WWOX: variants seen among roughly 807,000 people sequenced by gnomAD.
WWOX encodes the protein WW domain-containing oxidoreductase.
WWOX carries 69 observed loss-of-function variants against 46.2 expected under a neutral mutation model. The ratio of observed to expected loss-of-function variants is 1.49; its 90% CI spans 1.23 to 1.82. The LOEUF (loss-of-function observed/expected upper bound fraction) is 1.82. Among genes scored for constraint, WWOX ranks in the 40% most tolerant of loss-of-function variants. WWOX has a pLI of 0.00. For synonymous variants in WWOX, 359 were observed against 202.6 expected, an observed-to-expected ratio of 1.77 and a Z score of -6.56; for missense variants, 919 against 542.6, an observed-to-expected ratio of 1.69 and a Z score of -6.89.
At chr16:78,806,000 A>G (rs867047017) in intron 8 of WWOX, among the ~76,000 whole-genome samples, 11 of 152,202 alleles carry the variant, frequency 7.2e-5, no homozygotes, top group Admixed American at 1.3e-4. Context: ...AAGACAAGAA[A>G]TCTTTCAAAG....
At chr16:79,103,182 G>A (rs949931124) in intron 8 of WWOX, among the ~76,000 whole-genome samples, 15 of 152,300 alleles carry the variant, frequency 9.8e-5, no homozygotes, top group Non-Finnish European at 1.9e-4. Context: ...CCTCTCCCTA[G>A]CCATTAGCCA....
chr16:78,423,484 G>A (rs1162510188), intron 6 of WWOX, among the ~76,000 whole-genome samples: 1 of 151,946 alleles, frequency 6.6e-6, no homozygotes, highest in Non-Finnish European at 1.5e-5. Context: ...GTTCTTATTG[G>A]TACAGTATGA....
intron 8 of WWOX, among the ~76,000 whole-genome samples, chr16:78,639,678 C>T (rs894334872): frequency 6.6e-6 from 1 of 152,028 alleles, no homozygotes. Context: ...ATTTTCCTGC[C>T]TCAGCCTCTG....
chr16:79,055,152 A>T (rs904426677), intron 8 of WWOX, among the ~76,000 whole-genome samples: 2 of 152,260 alleles, frequency 1.3e-5, no homozygotes, highest in African/African-American at 4.8e-5. Flanking sequence ...ATTCCTCCTC[A>T]GATATGCACC....
At chr16:78,985,301 G>A (rs1363282168) in intron 8 of WWOX, among the ~76,000 whole-genome samples, 1 of 152,186 alleles carries the variant, frequency 6.6e-6, no homozygotes, top group Non-Finnish European at 1.5e-5. Context: ...AATAGAGGAA[G>A]CAGTTCAGCC....
At chr16:79,129,450 A>T (rs2049830423) in intron 8 of WWOX, among the ~76,000 whole-genome samples, 1 of 150,304 alleles carries the variant, frequency 6.7e-6, no homozygotes, top group Admixed American at 6.7e-5. Context: ...AAAATGTGTA[A>T]AAAGTTTATT....
chr16:78,623,883 G>A (rs985761200), intron 8 of WWOX, among the ~76,000 whole-genome samples: 1 of 152,108 alleles, frequency 6.6e-6, no homozygotes, highest in Non-Finnish European at 1.5e-5. Context: ...GTCACATATT[G>A]TATAGAATAA....
intron 4 of WWOX, among the ~76,000 whole-genome samples, chr16:78,127,691 C>G (rs1022987157): frequency 2.0e-5 from 3 of 152,126 alleles, no homozygotes; most frequent in Admixed American, 6.5e-5. Context: ...CACTTGTTCA[C>G]CCAAGTTTGT....
chr16:78,452,989 C>T (rs555212068), intron 8 of WWOX, among the ~76,000 whole-genome samples: 1 of 151,332 alleles, frequency 6.6e-6, no homozygotes, highest in Admixed American at 6.6e-5. Context: ...CTAAGTGATC[C>T]TCCTCTCTCA....
chr16:78,630,007 T>C (rs932729126), intron 8 of WWOX, among the ~76,000 whole-genome samples: 1 of 152,190 alleles, frequency 6.6e-6, no homozygotes, highest in African/African-American at 2.4e-5. Flanking sequence ...CCTGCCTTCT[T>C]TTTTTCTCCT....
intron 8 of WWOX, among the ~76,000 whole-genome samples, chr16:79,179,973 G>T (rs969228952): frequency 1.6e-4 from 24 of 152,180 alleles, no homozygotes; most frequent in Middle Eastern, 3.2e-3. Context: ...TTAAGTCCAT[G>T]TTACTGGATT....
intron 8 of WWOX, among the ~76,000 whole-genome samples, chr16:79,017,724 C>G (rs1179059839): frequency 2.6e-5 from 4 of 151,040 alleles, no homozygotes; most frequent in Non-Finnish European, 5.9e-5. Flanking sequence ...TTTCATAAAA[C>G]CAGTCTAAAA....
intron 8 of WWOX, among the ~76,000 whole-genome samples, chr16:78,951,217 A>C (rs367656697): frequency 6.6e-6 from 1 of 152,140 alleles, no homozygotes; most frequent in Non-Finnish European, 1.5e-5. Context: ...TCATAATTCT[A>C]TTTCTCTGCA....
At chr16:79,190,938 G>T (rs1362780721) in intron 8 of WWOX, among the ~76,000 whole-genome samples, 1 of 152,168 alleles carries the variant, frequency 6.6e-6, no homozygotes, top group Admixed American at 6.5e-5. Flanking sequence ...TGTGAATTGT[G>T]GCTAAATCTC....
chr16:78,180,206 C>T (rs2035484146), intron 5 of WWOX, among the ~76,000 whole-genome samples: 1 of 152,188 alleles, frequency 6.6e-6, no homozygotes. Context: ...TTTGGAAAAT[C>T]TCTAACTTGC....
chr16:78,806,659 A>T (rs920473118), intron 8 of WWOX, among the ~76,000 whole-genome samples: 1 of 152,124 alleles, frequency 6.6e-6, no homozygotes, highest in African/African-American at 2.4e-5. Context: ...CAAGAGAAAG[A>T]ACCAAGCAGA....
At chr16:78,742,577 C>T (rs1268309689) in intron 8 of WWOX, among the ~76,000 whole-genome samples, 2 of 152,192 alleles carry the variant, frequency 1.3e-5, no homozygotes, top group East Asian at 1.9e-4. Context: ...GGGAAAGGAA[C>T]GCACAGCGAT....
chr16:79,072,951 C>T (rs951179128), intron 8 of WWOX, among the ~76,000 whole-genome samples: 2 of 152,120 alleles, frequency 1.3e-5, no homozygotes, highest in South Asian at 2.1e-4. Flanking sequence ...ATTTGGACTC[C>T]GGGTCATTGA....
intron 8 of WWOX, among the ~76,000 whole-genome samples, chr16:78,489,262 A>G (rs2084717469): frequency 6.6e-6 from 1 of 152,194 alleles, no homozygotes; most frequent in Non-Finnish European, 1.5e-5. Context: ...ACCCACCACC[A>G]GCTGTAACAT....
Sources: gnomAD v4.1 joint callset for allele counts (sites outside exome capture counted in the v4.1 genomes callset) on GRCh38, gnomAD v4.1.1 for gene constraint, MANE v1.5 for transcripts, NCBI Gene and HGNC (gene_info 2026-07-23, HGNC 2026-07-21) for gene names.